ANKS1B: variants seen among roughly 807,000 people sequenced by gnomAD.
ANKS1B encodes ankyrin repeat and sterile alpha motif domain-containing protein 1B.
Under a neutral mutation model 148.3 loss-of-function variants are expected in ANKS1B, and 36 were observed. That is an observed-to-expected ratio of 0.24 (90% CI 0.19 to 0.32). The LOEUF (loss-of-function observed/expected upper bound fraction) is 0.32. Ranked by LOEUF, ANKS1B falls within the 10% of genes least tolerant of loss-of-function variation. ANKS1B has a pLI of 1.00. For missense variants in ANKS1B, 1,157 were observed against 1,542.6 expected (o/e 0.75, Z 4.19); for synonymous variants, 542 against 560.8 (o/e 0.97, Z 0.47).
At chr12:99,107,839 A>G (rs2153693491) in intron 15 of ANKS1B, among the ~76,000 whole-genome samples, 1 of 152,336 alleles carries the variant, frequency 6.6e-6, no homozygotes, top group Non-Finnish European at 1.5e-5. Flanking sequence ...GTAGATAACT[A>G]ACACAGATAT....
intron 15 of ANKS1B, among the ~76,000 whole-genome samples, chr12:99,121,421 A>G (rs1001891758): frequency 6.6e-6 from 1 of 151,530 alleles, no homozygotes; most frequent in African/African-American, 2.4e-5. Context: ...ACTATAGGGA[A>G]ACAGCATTAA....
intron 17 of ANKS1B, among the ~76,000 whole-genome samples, chr12:98,865,384 T>G (rs990681839): frequency 6.6e-6 from 1 of 152,212 alleles, no homozygotes; most frequent in African/African-American, 2.4e-5. Context: ...GCCTCTTCTT[T>G]CATCTTCAAT....
chr12:98,895,913 A>G (rs937299703), intron 17 of ANKS1B, among the ~76,000 whole-genome samples: 3 of 152,232 alleles, frequency 2.0e-5, no homozygotes, highest in African/African-American at 7.2e-5. Flanking sequence ...AAATAAAAAT[A>G]ACTTGTGGCT....
intron 12 of ANKS1B, among the ~76,000 whole-genome samples, chr12:99,376,277 A>G (rs918154079): frequency 2.6e-5 from 4 of 152,220 alleles, no homozygotes; most frequent in Non-Finnish European, 5.9e-5. Context: ...TAAATTCCTT[A>G]GCATAAATTT....
chr12:99,253,417 T>C (rs1379192495), intron 12 of ANKS1B, among the ~76,000 whole-genome samples: 2 of 152,082 alleles, frequency 1.3e-5, no homozygotes, highest in African/African-American at 2.4e-5. Context: ...AACCTGTATT[T>C]CTTAATACTT....
At chr12:99,098,660 T>TTTTTTA (rs1566057705) in intron 15 of ANKS1B, among the ~76,000 whole-genome samples, 1 of 86,380 alleles carries the variant, frequency 1.2e-5, no homozygotes, top group South Asian at 3.6e-4. Context: ...TTTTTTTTTT[T>TTTTTTA]AGAACATAGC....
intron 1 of ANKS1B, among the ~76,000 whole-genome samples, chr12:99,936,377 T>C (rs372151539): frequency 1.3e-5 from 2 of 152,332 alleles, no homozygotes; most frequent in Non-Finnish European, 1.5e-5. Flanking sequence ...CCAGGCACAG[T>C]GGCTCACACC....
chr12:99,406,035 A>G (rs2094524369), intron 11 of ANKS1B, among the ~76,000 whole-genome samples: 1 of 145,876 alleles, frequency 6.9e-6, no homozygotes, highest in African/African-American at 2.6e-5. Context: ...AATATTATTA[A>G]GGGTAAAGAG....
chr12:99,043,366 T>C (rs905089179), intron 17 of ANKS1B, among the ~76,000 whole-genome samples: 2 of 152,248 alleles, frequency 1.3e-5, no homozygotes, highest in Non-Finnish European at 2.9e-5. Context: ...AATAAAACTC[T>C]CTTGACTCAT....
intron 8 of ANKS1B, among the ~76,000 whole-genome samples, chr12:99,759,657 A>C (rs2061899627): frequency 6.6e-6 from 1 of 152,000 alleles, no homozygotes; most frequent in Admixed American, 6.6e-5. Flanking sequence ...AAGCTGTCCA[A>C]GGTCTTCACT....
At chr12:99,299,742 A>G (rs73143011) in intron 12 of ANKS1B, among the ~76,000 whole-genome samples, 22,676 of 152,266 alleles carry the variant, frequency 0.15, 1,788 homozygotes, top group Non-Finnish European at 0.19. Context: ...AAATAGATTA[A>G]TCAACTAACA....
chr12:99,883,123 T>C (rs1330523633), intron 1 of ANKS1B, among the ~76,000 whole-genome samples: 2 of 152,188 alleles, frequency 1.3e-5, no homozygotes, highest in Non-Finnish European at 2.9e-5. Flanking sequence ...TAATAGACTA[T>C]TCTTTCACCC....
chr12:98,896,731 G>C (rs566122389), intron 17 of ANKS1B, among the ~76,000 whole-genome samples: 1 of 152,316 alleles, frequency 6.6e-6, no homozygotes, highest in African/African-American at 2.4e-5. Context: ...CTTGATGGAG[G>C]CATGTTTGAC....
At chr12:99,222,038 T>C (rs1423635017) in intron 14 of ANKS1B, among the ~76,000 whole-genome samples, 1 of 152,132 alleles carries the variant, frequency 6.6e-6, no homozygotes, top group African/African-American at 2.4e-5. Context: ...TATGTTCTAC[T>C]GTGGAAATAT....
chr12:99,392,461 T>C (rs931547732), intron 12 of ANKS1B, among the ~76,000 whole-genome samples: 1 of 152,260 alleles, frequency 6.6e-6, no homozygotes, highest in African/African-American at 2.4e-5. Flanking sequence ...TTTTCCACTT[T>C]ACTCCTTTTG....
intron 17 of ANKS1B, among the ~76,000 whole-genome samples, chr12:99,013,445 T>G (rs756228884): frequency 6.6e-6 from 1 of 152,046 alleles, no homozygotes; most frequent in Non-Finnish European, 1.5e-5. Flanking sequence ...TCCTAAGAAC[T>G]GTGCCACAAG....
At chr12:99,808,448 A>G (rs2067918126) in intron 3 of ANKS1B, among the ~76,000 whole-genome samples, 3 of 151,972 alleles carry the variant, frequency 2.0e-5, no homozygotes, top group Admixed American at 2.0e-4. Context: ...GGAAAAATCT[A>G]CTCTTTCAAG....
chr12:98,758,514 G>C (rs2098317878), intron 25 of ANKS1B, among the ~76,000 whole-genome samples: 1 of 152,232 alleles, frequency 6.6e-6, no homozygotes, highest in Non-Finnish European at 1.5e-5. Context: ...GTCTGGCTGA[G>C]AGGCAGCCTC....
intron 10 of ANKS1B, among the ~76,000 whole-genome samples, chr12:99,479,883 A>T (rs138620523): frequency 8.0e-4 from 122 of 151,988 alleles, no homozygotes; most frequent in African/African-American, 2.7e-3. Context: ...ATAGATTTTA[A>T]ATTTTAAATG....
Sources: gnomAD v4.1 joint callset for allele counts (sites outside exome capture counted in the v4.1 genomes callset) on GRCh38, gnomAD v4.1.1 for gene constraint, MANE v1.5 for transcripts, NCBI Gene and HGNC (gene_info 2026-07-23, HGNC 2026-07-21) for gene names.